Variants in LRRC4C observed in about 807,000 individuals in gnomAD.
The protein encoded by LRRC4C is leucine-rich repeat-containing protein 4C.
A neutral mutation model predicts 33.6 loss-of-function variants in LRRC4C; 5 were observed. The ratio of observed to expected loss-of-function variants is 0.15; its 90% CI spans 0.08 to 0.31. LRRC4C has a LOEUF of 0.31. Ranked by LOEUF, LRRC4C falls within the 10% of genes least tolerant of loss-of-function variation. The pLI is 1.00. For missense variants in LRRC4C, 560 were observed against 796.7 expected, an observed-to-expected ratio of 0.70 and a Z score of 3.58; for synonymous variants, 329 against 302.0, an observed-to-expected ratio of 1.09 and a Z score of -0.93.
chr11:41,057,586 G>A (rs1012388338), intron 1 of LRRC4C, among the ~76,000 whole-genome samples: 1 of 152,190 alleles, frequency 6.6e-6, no homozygotes. Flanking sequence ...TGGACCAATA[G>A]GCATGCACTG....
intron 1 of LRRC4C, among the ~76,000 whole-genome samples, chr11:41,295,438 G>A (rs11036345): frequency 0.17 from 25,557 of 152,146 alleles, 2,775 homozygotes; most frequent in East Asian, 0.43. Context: ...AAAGGAAAGA[G>A]GCTTAGCTGG....
At chr11:40,991,004 G>A (rs1316050950) in intron 1 of LRRC4C, among the ~76,000 whole-genome samples, 1 of 148,954 alleles carries the variant, frequency 6.7e-6, no homozygotes, top group Non-Finnish European at 1.5e-5. Context: ...TGAAATCATT[G>A]ATATAGCAAC....
chr11:41,059,919 G>A lies in LRRC4C; in HGVS notation c.-495-126196C>T, dbSNP rs887554989. 3.3e-5 allele frequency among the ~76,000 whole-genome samples: 5 copies of A among 152,126 alleles called. No individual in the cohort carries two copies. The East Asian group carries it at 5.8e-4, about 18-fold the overall frequency. On this transcript the variant is annotated intron_variant, in intron 1 of 6. Coordinates refer to ENST00000528697, the MANE Select transcript of LRRC4C (RefSeq NM_001258419.2). ...ACGCACCTGCAATTCCAGCTACTCGGGGGTCTGAGGCATAAGAATCACTTG... is the reference window on the plus strand; with the variant it reads ...ACGCACCTGCAATTCCAGCTACTCGAGGGTCTGAGGCATAAGAATCACTTG...
chr11:41,369,223 G>A (rs1187887333), intron 1 of LRRC4C, among the ~76,000 whole-genome samples: 3 of 152,148 alleles, frequency 2.0e-5, no homozygotes, highest in Non-Finnish European at 4.4e-5. Flanking sequence ...TAATGTAGAA[G>A]TTTTAGAGTT....
chr11:40,311,680 C>T (rs1486874183), intron 4 of LRRC4C, among the ~76,000 whole-genome samples: 1 of 152,118 alleles, frequency 6.6e-6, no homozygotes, highest in African/African-American at 2.4e-5. Flanking sequence ...GGCACGGTGG[C>T]TCACACCTGT....
chr11:41,160,306 C>T (rs1278471397), intron 1 of LRRC4C, among the ~76,000 whole-genome samples: 1 of 151,212 alleles, frequency 6.6e-6, no homozygotes, highest in Non-Finnish European at 1.5e-5. Flanking sequence ...GAGATCAAGG[C>T]TGTATTGCAC....
intron 2 of LRRC4C, among the ~76,000 whole-genome samples, chr11:40,756,727 A>C (rs1245369929): frequency 6.6e-6 from 1 of 152,070 alleles, no homozygotes; most frequent in African/African-American, 2.4e-5. Flanking sequence ...GAAGCATCCT[A>C]AGCAATGCAT....
intron 2 of LRRC4C, among the ~76,000 whole-genome samples, chr11:40,896,985 A>T (rs1017807637): frequency 6.6e-6 from 1 of 152,182 alleles, no homozygotes; most frequent in Non-Finnish European, 1.5e-5. Context: ...AGAAAGATAA[A>T]CCTTAATTAA....
intron 1 of LRRC4C, among the ~76,000 whole-genome samples, chr11:41,347,864 G>A (rs1292773793): frequency 3.3e-5 from 5 of 152,030 alleles, no homozygotes; most frequent in African/African-American, 9.7e-5. Flanking sequence ...TTCTGATTAC[G>A]CTAAAATGCT....
chr11:41,387,874 C>T (rs908380569), intron 1 of LRRC4C, among the ~76,000 whole-genome samples: 1 of 151,772 alleles, frequency 6.6e-6, no homozygotes, highest in Non-Finnish European at 1.5e-5. Flanking sequence ...TTTCCAGGGT[C>T]ACCTCAGTAG....
At chr11:41,092,507 G>A (rs12792722) in intron 1 of LRRC4C, among the ~76,000 whole-genome samples, 7,366 of 152,212 alleles carry the variant, frequency 0.048, 274 homozygotes, top group Non-Finnish European at 0.077. Context: ...GCATCAAAAG[G>A]CTATAATATG....
intron 3 of LRRC4C, among the ~76,000 whole-genome samples, chr11:40,546,922 G>T (rs1339805875): frequency 6.6e-6 from 1 of 152,128 alleles, no homozygotes; most frequent in African/African-American, 2.4e-5. Context: ...CATATACTAT[G>T]CAGCCTGTGC....
chr11:41,322,741 G>A (rs971949393), intron 1 of LRRC4C, among the ~76,000 whole-genome samples: 6 of 152,148 alleles, frequency 3.9e-5, no homozygotes, highest in South Asian at 2.1e-4. Flanking sequence ...CCTATTCAGC[G>A]TAAGTGGGAA....
At chr11:40,185,366 A>G (rs1270060118) in intron 5 of LRRC4C, among the ~76,000 whole-genome samples, 1 of 152,086 alleles carries the variant, frequency 6.6e-6, no homozygotes, top group Non-Finnish European at 1.5e-5. Flanking sequence ...AGCTGTCAAC[A>G]AGCCTTGATT....
intron 1 of LRRC4C, among the ~76,000 whole-genome samples, chr11:40,976,154 T>C (rs1001700993): frequency 9.9e-5 from 15 of 152,196 alleles, no homozygotes; most frequent in African/African-American, 3.6e-4. Context: ...TATGCACTTG[T>C]TTAATGAGAG....
chr11:40,497,726 C>G (rs191709156), intron 3 of LRRC4C, among the ~76,000 whole-genome samples: 11 of 152,188 alleles, frequency 7.2e-5, no homozygotes, highest in Admixed American at 5.2e-4. Flanking sequence ...GCTCTTAACA[C>G]CTGGGATTAC....
intron 4 of LRRC4C, among the ~76,000 whole-genome samples, chr11:40,249,091 A>G (rs1312875136): frequency 6.6e-6 from 1 of 152,166 alleles, no homozygotes; most frequent in Non-Finnish European, 1.5e-5. Flanking sequence ...TCATCTCAGC[A>G]CTTTGGGAGG....
chr11:41,417,928 G>A (rs891354768), intron 1 of LRRC4C, among the ~76,000 whole-genome samples: 21 of 149,744 alleles, frequency 1.4e-4, no homozygotes, highest in Non-Finnish European at 2.5e-4. Context: ...GTGTGTGTGT[G>A]TGTGCATATA....
At chr11:40,806,074 A>G (rs1487807886) in intron 2 of LRRC4C, among the ~76,000 whole-genome samples, 1 of 152,192 alleles carries the variant, frequency 6.6e-6, no homozygotes, top group Non-Finnish European at 1.5e-5. Context: ...TTCTAAATGC[A>G]TACACTGAAA....
Sources: allele counts gnomAD v4.1 joint callset (sites outside exome capture counted in the v4.1 genomes callset), GRCh38; gene constraint gnomAD v4.1.1; transcripts MANE v1.5; gene names NCBI Gene and HGNC (gene_info 2026-07-23, HGNC 2026-07-21).